The following GRM5 variants were observed in gnomAD, a reference collection of about 807,000 sequenced individuals.
The protein encoded by GRM5 is glutamate metabotropic receptor 5.
A neutral mutation model predicts 83.1 loss-of-function variants in GRM5; 19 were observed. That is an observed-to-expected ratio of 0.23 (90% CI 0.16 to 0.34). The LOEUF is 0.34. Ranked by LOEUF, GRM5 falls within the 10% of genes least tolerant of loss-of-function variation. GRM5 has a pLI of 1.00. For missense variants in GRM5, 1,160 were observed against 1,588.3 expected, an observed-to-expected ratio of 0.73 and a Z score of 4.58; for synonymous variants, 675 against 633.6, an observed-to-expected ratio of 1.07 and a Z score of -0.98.
intron 2 of GRM5, among the ~76,000 whole-genome samples, chr11:88,989,326 A>G (rs961985204): frequency 7.1e-6 from 1 of 141,394 alleles, no homozygotes; most frequent in African/African-American, 2.7e-5. Flanking sequence ...CTAAATATAT[A>G]TGCACCCAAT....
chr11:88,844,745 G>C (rs2135534197), intron 3 of GRM5, among the ~76,000 whole-genome samples: 1 of 152,322 alleles, frequency 6.6e-6, no homozygotes, highest in Middle Eastern at 3.4e-3. Context: ...TTTGGAAGAA[G>C]TGATTCCAAC....
In GRM5 at chr11:88,584,764, T is replaced by G. The variant is rs143789469; in HGVS notation, c.1690+5837A>C. On this transcript the variant is annotated intron_variant, in intron 7 of 9. Transcript: ENST00000305447. ...TGGCACATTTTCTTTCATATTCAAT[T>G]TTTGAATATTCCTGGAGATAATCAC... is the stretch of plus-strand genomic sequence containing the variant. Among the ~76,000 whole-genome samples, 1,118 of 152,280 alleles carry G rather than the reference T, an allele frequency of 7.3e-3. 11 individuals are homozygous for G. The highest frequency in any genetic ancestry group is 0.026 in the African/African-American group (1,080 of 41,556).
intron 3 of GRM5, among the ~76,000 whole-genome samples, chr11:88,699,387 C>T (rs1028538892): frequency 2.0e-5 from 3 of 152,146 alleles, no homozygotes; most frequent in Non-Finnish European, 2.9e-5. Context: ...TTCTTATTAT[C>T]CTTTAAAATG....
At chr11:88,682,946 T>C (rs1392304477) in intron 3 of GRM5, among the ~76,000 whole-genome samples, 2 of 152,146 alleles carry the variant, frequency 1.3e-5, no homozygotes, top group Admixed American at 1.3e-4. Context: ...TTTTTTTTTT[T>C]TAAGTAATCA....
intron 6 of GRM5, among the ~76,000 whole-genome samples, chr11:88,592,924 C>T (rs144854313): frequency 7.2e-4 from 110 of 152,252 alleles, no homozygotes; most frequent in African/African-American, 2.5e-3. Context: ...AGAGAGCCTC[C>T]CACCTCAGCT....
At chr11:89,050,589 C>T (rs1474089221) in intron 1 of GRM5, among the ~76,000 whole-genome samples, 47 of 152,198 alleles carry the variant, frequency 3.1e-4, no homozygotes, top group Admixed American at 3.1e-3. Flanking sequence ...TGCAGAAATT[C>T]TATTCAACCC....
At chr11:88,529,364 A>C (rs1260126374) in intron 8 of GRM5, among the ~76,000 whole-genome samples, 2 of 151,442 alleles carry the variant, frequency 1.3e-5, no homozygotes, top group Non-Finnish European at 3.0e-5. Context: ...GGCAGAGAAC[A>C]CTTTAGTGAG....
intron 3 of GRM5, among the ~76,000 whole-genome samples, chr11:88,788,894 C>T (rs1267207744): frequency 5.3e-5 from 8 of 152,236 alleles, no homozygotes; most frequent in Admixed American, 4.6e-4. Context: ...GAAGGATGAA[C>T]GCCTCCTCAA....
chr11:88,712,427 GT>G (rs1385943800), intron 3 of GRM5, among the ~76,000 whole-genome samples: 1 of 151,952 alleles, frequency 6.6e-6, no homozygotes, highest in African/African-American at 2.4e-5. Flanking sequence ...TTTAACATAT[GT>G]TTTTAGTGGT....
At chr11:88,906,214 T>C (rs1945401100) in intron 2 of GRM5, among the ~76,000 whole-genome samples, 1 of 152,198 alleles carries the variant, frequency 6.6e-6, no homozygotes, top group Non-Finnish European at 1.5e-5. Flanking sequence ...TCTACTCTTG[T>C]TTCTGTCACT....
At chr11:88,866,461 T>G (rs628368) in intron 2 of GRM5, among the ~76,000 whole-genome samples, 14 of 151,652 alleles carry the variant, frequency 9.2e-5, no homozygotes, top group African/African-American at 3.4e-4. Flanking sequence ...AGATGACAGG[T>G]TGATGGTTGC....
intron 3 of GRM5, among the ~76,000 whole-genome samples, chr11:88,680,391 A>C (rs375918103): frequency 1.3e-5 from 2 of 152,180 alleles, no homozygotes; most frequent in East Asian, 3.8e-4. Flanking sequence ...AGCTTCATCC[A>C]TGTCCCTACA....
chr11:89,020,965 A>G (rs1454143577), intron 2 of GRM5, among the ~76,000 whole-genome samples: 1 of 152,186 alleles, frequency 6.6e-6, no homozygotes, highest in Non-Finnish European at 1.5e-5. Flanking sequence ...TACCAAGGCT[A>G]TTTCCTTTCC....
rs141651514 is a variant in GRM5 at position 88,764,818 on chromosome 11, TAGA to T, written c.911+85085_911+85087del. On this transcript the variant is annotated intron_variant, in intron 3 of 9. Coordinates refer to ENST00000305447, the MANE Select transcript of GRM5 (RefSeq NM_001143831.3). ...AATAAAAACAAACTAAACCCAAAGA[TAGA>T]AGAAGGAAGGAAATAATGAAGATTA... 6.3e-3 allele frequency among the ~76,000 whole-genome samples: 950 copies of T among 151,242 alleles called. 18 individuals carry two copies. Among genetic ancestry groups the T allele is most frequent in the East Asian group, 0.047 (244 of 5,140 alleles).
Position 88,521,992 on chromosome 11 carries a change from G to A in GRM5, c.2726+3317C>T, listed in dbSNP as rs144572204. 5.3e-5 allele frequency among the ~76,000 whole-genome samples: 8 copies of A among 152,318 alleles called. No homozygotes were observed. In the East Asian group the frequency reaches 1.5e-3, roughly 29 times the overall value. ...CCTAGGCATGAATTCATAGAGTACT[G>A]TCCATTCTACAGCTTCATTATACAA... On this transcript the variant is annotated intron_variant, in intron 9 of 9. Coordinates refer to ENST00000305447, the MANE Select transcript of GRM5 (RefSeq NM_001143831.3).
intron 5 of GRM5, among the ~76,000 whole-genome samples, chr11:88,600,219 CT>C (rs1937940098): frequency 6.6e-6 from 1 of 151,500 alleles, no homozygotes; most frequent in Admixed American, 6.6e-5. Context: ...TCCTTCTCTT[CT>C]TCCTCAATCC....
rs1484445421 is a variant in GRM5, at chr11:88,505,409, T to C, written c.*3183A>G. ...TGCAGCAGAGCTATTATACAATTCATTTACAGTCAGAAATAGCTCCTAGTC... is the reference window on the plus strand; with the variant it reads ...TGCAGCAGAGCTATTATACAATTCACTTACAGTCAGAAATAGCTCCTAGTC... On this transcript the variant is annotated 3_prime_UTR_variant, in exon 10 of 10. Transcript: ENST00000305447. The C allele has an allele frequency of 2.6e-5, 4 of 152,358 alleles. No homozygotes were observed. Among genetic ancestry groups the C allele is most frequent in the East Asian group, 1.9e-4 (1 of 5,192 alleles). The allele number at this position is 152,358 out of a possible 1,614,324, so 9.4% of individuals were successfully genotyped here.
At chr11:88,986,150 G>A (rs7124288) in intron 2 of GRM5, among the ~76,000 whole-genome samples, 2,937 of 152,174 alleles carry the variant, frequency 0.019, 83 homozygotes, top group African/African-American at 0.065. Flanking sequence ...ATCTCATGGA[G>A]TACTATTAGG....
intron 8 of GRM5, among the ~76,000 whole-genome samples, chr11:88,564,183 A>T (rs539671681): frequency 5.9e-5 from 9 of 152,190 alleles, no homozygotes; most frequent in Non-Finnish European, 1.0e-4. Flanking sequence ...ACATAGACAG[A>T]TCAAGATTTG....
Sources: gnomAD v4.1 joint callset for allele counts (sites outside exome capture counted in the v4.1 genomes callset) on GRCh38, gnomAD v4.1.1 for gene constraint, MANE v1.5 for transcripts, NCBI Gene and HGNC (gene_info 2026-07-23, HGNC 2026-07-21) for gene names.